SND1: variants seen among roughly 807,000 people sequenced by gnomAD.
SND1 encodes the protein staphylococcal nuclease and tudor domain containing 1.
In SND1, 38 loss-of-function variants were observed where a neutral mutation model predicts 121.7. The ratio of observed to expected loss-of-function variants is 0.31; its 90% confidence interval spans 0.24 to 0.41. The LOEUF (loss-of-function observed/expected upper bound fraction) is 0.41. Ranked by LOEUF, SND1 falls within the 10% of genes least tolerant of loss-of-function variation. SND1 has a pLI of 1.00. For missense variants in SND1, 868 were observed against 1,184.6 expected, an observed-to-expected ratio of 0.73 and a Z score of 3.92; for synonymous variants, 401 against 447.4, an observed-to-expected ratio of 0.90 and a Z score of 1.31.
At chr7:127,861,315 G>T (rs1282490909) in intron 12 of SND1, among the ~76,000 whole-genome samples, 2 of 152,168 alleles carry the variant, frequency 1.3e-5, no homozygotes, top group Non-Finnish European at 2.9e-5. Flanking sequence ...GAGAGAATCA[G>T]GACTGCCTGT....
At chr7:127,707,530 G>A in intron 8 of SND1, 27 bp from the exon 9 acceptor site, 1 of 1,602,192 alleles carries the variant, frequency 6.2e-7, no homozygotes, top group Non-Finnish European at 8.6e-7. Flanking sequence ...GAGTCTGAAT[G>A]ATCTTGCATC....
intron 13 of SND1, among the ~76,000 whole-genome samples, chr7:127,897,649 A>G (rs563888904): frequency 6.6e-5 from 10 of 152,240 alleles, no homozygotes; most frequent in Non-Finnish European, 1.5e-4. Flanking sequence ...TTGCCCTATG[A>G]CAGCAGTTCC....
chr7:127,831,794 G>T (rs759557831), intron 11 of SND1, among the ~76,000 whole-genome samples: 1 of 152,064 alleles, frequency 6.6e-6, no homozygotes, highest in Non-Finnish European at 1.5e-5. Context: ...TTAGCTCACC[G>T]TATTGTTTCT....
chr7:128,036,408 G>A (rs1411101466), intron 16 of SND1, among the ~76,000 whole-genome samples: 1 of 152,248 alleles, frequency 6.6e-6, no homozygotes, highest in Non-Finnish European at 1.5e-5. Context: ...GGAGCCTGAT[G>A]ATTCAAGGCA....
chr7:127,789,616 A>C (rs1797874572), intron 10 of SND1, among the ~76,000 whole-genome samples: 2 of 152,212 alleles, frequency 1.3e-5, no homozygotes, highest in Admixed American at 1.3e-4. Context: ...CTTTTAAGGA[A>C]ATCCAGCATA....
chr7:127,749,706 G>C (rs963405560), intron 10 of SND1, among the ~76,000 whole-genome samples: 6 of 152,172 alleles, frequency 3.9e-5, no homozygotes, highest in African/African-American at 2.4e-5. Flanking sequence ...CAGGAATTAA[G>C]TTAATAAAAA....
chr7:128,091,941 G>A (rs1793787994), intron 23 of SND1, 52 bp from the exon 24 acceptor site: 2 of 1,613,834 alleles, frequency 1.2e-6, no homozygotes, highest in African/African-American at 1.3e-5. Context: ...GGCCCTCTGA[G>A]TTCCGGTGGG....
chr7:127,786,109 TA>T (rs1329456275), intron 10 of SND1, among the ~76,000 whole-genome samples: 1 of 152,136 alleles, frequency 6.6e-6, no homozygotes, highest in African/African-American at 2.4e-5. Flanking sequence ...TTTTTTTCTT[TA>T]CCCTTTTCTA....
At chr7:128,069,775 T>C (rs1387019693) in intron 16 of SND1, among the ~76,000 whole-genome samples, 1 of 152,140 alleles carries the variant, frequency 6.6e-6, no homozygotes, top group Non-Finnish European at 1.5e-5. Flanking sequence ...TTACAGTAAA[T>C]AGAGGCACGG....
At chr7:127,866,697 C>T (rs1200750111) in intron 12 of SND1, among the ~76,000 whole-genome samples, 1 of 152,154 alleles carries the variant, frequency 6.6e-6, no homozygotes, top group African/African-American at 2.4e-5. Flanking sequence ...GGTGCTATTT[C>T]ACTACCATGG....
At chr7:127,885,920 C>A (rs531474826) in intron 12 of SND1, among the ~76,000 whole-genome samples, 1 of 152,208 alleles carries the variant, frequency 6.6e-6, no homozygotes, top group African/African-American at 2.4e-5. Context: ...ACTCCCCAGC[C>A]TTCTTACTAG....
chr7:128,041,183 C>T (rs1441029476), intron 16 of SND1, among the ~76,000 whole-genome samples: 1 of 152,126 alleles, frequency 6.6e-6, no homozygotes, highest in East Asian at 1.9e-4. Context: ...GTCTATAATC[C>T]TAGCACTACA....
At chr7:127,929,361 C>G (rs777362652) in intron 15 of SND1, 32 bp downstream of exon 15, 3 of 1,611,468 alleles carry the variant, frequency 1.9e-6, no homozygotes, top group Non-Finnish European at 2.5e-6. Context: ...TTACTCTGAG[C>G]TCAGAAGTCA....
chr7:127,666,593 CA>C (rs575742483), intron 1 of SND1, among the ~76,000 whole-genome samples: 1,542 of 140,424 alleles, frequency 0.011, 15 homozygotes, highest in South Asian at 0.027. Flanking sequence ...GTGCCCCCCT[CA>C]AAAAAAAAAA....
intron 13 of SND1, among the ~76,000 whole-genome samples, chr7:127,900,977 G>A (rs1430685362): frequency 1.3e-5 from 2 of 152,186 alleles, no homozygotes; most frequent in Non-Finnish European, 2.9e-5. Flanking sequence ...GAGAAGTTTA[G>A]AAGTCAGGAG....
intron 16 of SND1, among the ~76,000 whole-genome samples, chr7:128,023,255 C>T (rs1179861353): frequency 2.0e-5 from 3 of 152,200 alleles, no homozygotes; most frequent in Admixed American, 1.3e-4. Flanking sequence ...GGAAGCCCCA[C>T]CGGCCCTTTC....
At chr7:127,774,075 C>A (rs1797569640) in intron 10 of SND1, among the ~76,000 whole-genome samples, 1 of 152,114 alleles carries the variant, frequency 6.6e-6, no homozygotes, top group African/African-American at 2.4e-5. Flanking sequence ...ACTCTTTCTG[C>A]TTATTTTTTT....
intron 8 of SND1, among the ~76,000 whole-genome samples, chr7:127,705,226 T>TA (rs1454233101): frequency 1.3e-5 from 2 of 152,230 alleles, no homozygotes; most frequent in African/African-American, 2.4e-5. Context: ...GCCCCTTGCT[T>TA]AAGTTCTGGG....
intron 15 of SND1, among the ~76,000 whole-genome samples, chr7:127,941,791 T>C (rs746790733): frequency 5.6e-5 from 8 of 143,406 alleles, no homozygotes; most frequent in Non-Finnish European, 1.1e-4. Flanking sequence ...GTGCAGGGAA[T>C]GCAGAAATAA....
Sources: gnomAD v4.1 joint callset for allele counts (sites outside exome capture counted in the v4.1 genomes callset) on GRCh38, gnomAD v4.1.1 for gene constraint, MANE v1.5 for transcripts, NCBI Gene and HGNC (gene_info 2026-07-23, HGNC 2026-07-21) for gene names.